CDC45: variants seen among roughly 807,000 people sequenced by gnomAD.
CDC45 encodes the protein cell division control protein 45 homolog.
Under a neutral mutation model 77.8 loss-of-function variants are expected in CDC45, and 54 were observed. The ratio of observed to expected loss-of-function variants is 0.69; its 90% CI spans 0.56 to 0.87. The LOEUF (loss-of-function observed/expected upper bound fraction) is 0.87, where lower values mean the gene tolerates loss of function less well. Ranked by LOEUF, CDC45 falls within the 40% of genes least tolerant of loss-of-function variation. The pLI is 0.00. For missense variants in CDC45, 649 were observed against 721.6 expected, an observed-to-expected ratio of 0.90 and a Z score of 1.15; for synonymous variants, 260 against 272.1, an observed-to-expected ratio of 0.96 and a Z score of 0.44.
intron 17 of CDC45, among the ~76,000 whole-genome samples, chr22:19,517,207 G>A (rs1386173150): frequency 2.6e-5 from 4 of 152,182 alleles, no homozygotes; most frequent in Non-Finnish European, 4.4e-5. Flanking sequence ...CGTGTGCCCC[G>A]ATCTCACCTG....
chr22:19,494,800 A>G (rs1273378460), intron 6 of CDC45, among the ~76,000 whole-genome samples: 1 of 152,196 alleles, frequency 6.6e-6, no homozygotes, highest in Non-Finnish European at 1.5e-5. Flanking sequence ...TGGATCTCTC[A>G]TGGAAGGTCT....
At chr22:19,505,576 C>T in intron 10 of CDC45, 95 bp downstream of exon 10, 2 of 1,411,136 alleles carry the variant, frequency 1.4e-6, no homozygotes, top group Non-Finnish European at 2.0e-6. Flanking sequence ...GGCCACATCC[C>T]CAGGAGGGAA....
intron 5 of CDC45, among the ~76,000 whole-genome samples, chr22:19,488,117 T>C (rs2090101354): frequency 6.6e-6 from 1 of 152,218 alleles, no homozygotes; most frequent in Non-Finnish European, 1.5e-5. Flanking sequence ...AAATTTTGTA[T>C]CTGCTATAAC....
intron 5 of CDC45, among the ~76,000 whole-genome samples, chr22:19,484,655 G>A (rs534032770): frequency 2.6e-5 from 4 of 152,168 alleles, no homozygotes; most frequent in South Asian, 2.1e-4. Flanking sequence ...ATTTGCCCCC[G>A]TAATGTTCTA....
At chr22:19,505,511 A>G in intron 10 of CDC45, 30 bp downstream of exon 10, 2 of 1,612,396 alleles carry the variant, frequency 1.2e-6, no homozygotes, top group Non-Finnish European at 1.7e-6. Flanking sequence ...TGAGGGGCAC[A>G]GGCAGCACCC....
At chr22:19,490,284 TACTG>T (rs2090133992) in intron 5 of CDC45, among the ~76,000 whole-genome samples, 1 of 152,222 alleles carries the variant, frequency 6.6e-6, no homozygotes, top group African/African-American at 2.4e-5. Context: ...TTATTTTAGT[TACTG>T]ACATGTTAGG....
At chr22:19,486,164 G>A (rs1040743719) in intron 5 of CDC45, among the ~76,000 whole-genome samples, 1 of 152,164 alleles carries the variant, frequency 6.6e-6, no homozygotes, top group African/African-American at 2.4e-5. Flanking sequence ...TAGGATTACA[G>A]GCATGCACTG....
intron 5 of CDC45, among the ~76,000 whole-genome samples, chr22:19,490,886 G>A (rs1253624454): frequency 6.7e-6 from 1 of 148,456 alleles, no homozygotes; most frequent in Non-Finnish European, 1.5e-5. Flanking sequence ...GGTGTGCAGT[G>A]GCACAATCTC....
In CDC45 at chr22:19,508,524, T is replaced by C; in HGVS notation, c.1056-6T>C. On this transcript the variant is annotated splice_polypyrimidine_tract_variant and splice_region_variant and intron_variant, in intron 12 of 18. Coordinates refer to ENST00000263201, the MANE Select transcript of CDC45 (RefSeq NM_003504.5). ...AGGGTGACAGCTGTGTTTGCTCCCA[T>C]GACAGGATGAAGGACATGCGCGTGC... 2 of 1,614,236 alleles carry C rather than the reference T, an allele frequency of 1.2e-6. No homozygotes were observed. Among genetic ancestry groups the C allele is most frequent in the East Asian group, 2.2e-5 (1 of 44,890 alleles).
chr22:19,488,048 A>G (rs1468928184), intron 5 of CDC45, among the ~76,000 whole-genome samples: 1 of 152,250 alleles, frequency 6.6e-6, no homozygotes, highest in East Asian at 1.9e-4. Context: ...CTATAAAAAT[A>G]ACCATAATTA....
chr22:19,489,379 C>G (rs941450294), intron 5 of CDC45, among the ~76,000 whole-genome samples: 1 of 151,888 alleles, frequency 6.6e-6, no homozygotes, highest in Non-Finnish European at 1.5e-5. Context: ...AAGGATCCCT[C>G]TGTTGCCCTT....
intron 5 of CDC45, among the ~76,000 whole-genome samples, chr22:19,486,496 C>G (rs2090069759): frequency 1.3e-5 from 2 of 152,050 alleles, no homozygotes; most frequent in South Asian, 4.1e-4. Context: ...GTTCTCTTTT[C>G]TAATATTTAC....
chr22:19,498,407 C>G (rs2090282253), intron 8 of CDC45, among the ~76,000 whole-genome samples: 1 of 152,236 alleles, frequency 6.6e-6, no homozygotes, highest in Non-Finnish European at 1.5e-5. Flanking sequence ...GAAGAACCAT[C>G]CCTCCTCTGA....
At chr22:19,516,738 T>C (rs1933816345) in intron 16 of CDC45, 79 bp from the exon 17 acceptor site, 2 of 928,052 alleles carry the variant, frequency 2.2e-6, no homozygotes, top group Non-Finnish European at 3.1e-6. Flanking sequence ...TATTTGCCTC[T>C]AGTGTCTGTC....
In CDC45 at chr22:19,482,817, A is replaced by G. The variant is rs1157690835; in HGVS notation, c.332A>G (p.Asn111Ser). The change falls in exon 4 of 19, where the codon AAC becomes AGC. Residue 111 changes from asparagine (N) to serine (S), a missense_variant. By Grantham distance (46) the Asn-to-Ser change is conservative (BLOSUM62 1). Coordinates refer to ENST00000263201, the MANE Select transcript of CDC45 (RefSeq NM_003504.5). ...CCAGTCAATGTCGTCAATGTATACA[A>G]CGATACCCAGGTACTTTTTGTGCTA... ...HRPVNVVNVY[N>S]DTQIKLLIKQ... 3.7e-6 allele frequency: 6 copies of G among 1,613,950 alleles called. No homozygotes were observed. Among genetic ancestry groups the G allele is most frequent in the East Asian group, 4.5e-5 (2 of 44,894 alleles).
chr22:19,509,985 AG>A (rs1485294361), intron 13 of CDC45, among the ~76,000 whole-genome samples: 4 of 152,148 alleles, frequency 2.6e-5, no homozygotes, highest in Admixed American at 1.3e-4. Flanking sequence ...TTTTAGAGAC[AG>A]GGTCTCGCTC....
At chr22:19,491,878 G>GT (rs2090158849) in intron 5 of CDC45, among the ~76,000 whole-genome samples, 1 of 151,752 alleles carries the variant, frequency 6.6e-6, no homozygotes, top group African/African-American at 2.4e-5. Context: ...CCAGGCTGGA[G>GT]GACCTGCAAC....
chr22:19,498,728 A>G (rs1199397873), intron 8 of CDC45, among the ~76,000 whole-genome samples: 4 of 152,222 alleles, frequency 2.6e-5, no homozygotes, highest in Non-Finnish European at 5.9e-5. Flanking sequence ...GGCCTCTGCC[A>G]TGATACTGTA....
At chr22:19,480,927 A>T (rs759086764) in intron 2 of CDC45, 26 bp from the exon 3 acceptor site, 2 of 1,478,316 alleles carry the variant, frequency 1.4e-6, no homozygotes, top group South Asian at 2.3e-5. Context: ...TAAATAAGAT[A>T]GGCTTTGAAA....
Sources: allele counts gnomAD v4.1 joint callset (sites outside exome capture counted in the v4.1 genomes callset), GRCh38; gene constraint gnomAD v4.1.1; transcripts MANE v1.5; gene names NCBI Gene and HGNC (gene_info 2026-07-23, HGNC 2026-07-21).